Variants in ANKRD44 observed in about 807,000 individuals in gnomAD.
ANKRD44 encodes ankyrin repeat domain 44.
In ANKRD44, 35 loss-of-function variants were observed where a neutral mutation model predicts 116.0. The ratio of observed to expected loss-of-function variants is 0.30; its 90% CI spans 0.23 to 0.40. The LOEUF is 0.40. ANKRD44 is among the 10% of genes least tolerant of loss of function. The pLI is 1.00. For missense variants in ANKRD44, 1,014 were observed against 1,242.6 expected (o/e 0.82, Z 2.77); for synonymous variants, 435 against 461.8 (o/e 0.94, Z 0.74).
At chr2:197,305,581 GA>G (rs1462388318) in intron 1 of ANKRD44, among the ~76,000 whole-genome samples, 1 of 151,998 alleles carries the variant, frequency 6.6e-6, no homozygotes, top group African/African-American at 2.4e-5. Context: ...TACAGCAAAA[GA>G]GGAAGTAAAA....
intron 1 of ANKRD44, among the ~76,000 whole-genome samples, chr2:197,240,687 G>A (rs1487130988): frequency 1.3e-5 from 2 of 149,568 alleles, no homozygotes; most frequent in African/African-American, 2.5e-5. Context: ...CAGTCTTGAA[G>A]CAAGTTTTTT....
chr2:197,076,241 T>C (rs1198121370), intron 16 of ANKRD44, among the ~76,000 whole-genome samples: 1 of 152,164 alleles, frequency 6.6e-6, no homozygotes, highest in African/African-American at 2.4e-5. Flanking sequence ...CAGGGACAAT[T>C]TGTTAAAAGG....
At chr2:197,218,946 G>A (rs970746380) in intron 1 of ANKRD44, among the ~76,000 whole-genome samples, 1 of 151,378 alleles carries the variant, frequency 6.6e-6, no homozygotes, top group Admixed American at 6.6e-5. Context: ...TTTTAGTAGA[G>A]ACAGGGTTTC....
chr2:197,207,496 T>C lies in ANKRD44; in HGVS notation c.28-20390A>G, dbSNP rs559354606. Among the ~76,000 whole-genome samples the C allele has an allele frequency of 3.9e-5, 6 of 152,316 alleles. No individual in the cohort carries two copies. The South Asian group carries it at 1.0e-3, about 26-fold the overall frequency. ...CCCTCTGATTTTTATCATTCTGGCA[T>C]CTCAAAGGCCAGCAGAGAAAAACAT... is the stretch of plus-strand genomic sequence containing the variant. On this transcript the variant is annotated intron_variant, in intron 1 of 27. Transcript: ENST00000282272.
chr2:197,185,686 T>C (rs1055834928), intron 2 of ANKRD44, among the ~76,000 whole-genome samples: 3 of 152,254 alleles, frequency 2.0e-5, no homozygotes, highest in Admixed American at 6.5e-5. Flanking sequence ...ACCTTCCAGA[T>C]ACAGTGATTC....
At chr2:197,024,621 G>C (rs1212816580) in intron 17 of ANKRD44, among the ~76,000 whole-genome samples, 1 of 152,204 alleles carries the variant, frequency 6.6e-6, no homozygotes, top group Non-Finnish European at 1.5e-5. Flanking sequence ...CGTTACTGGT[G>C]ATAAAATAAC....
intron 18 of ANKRD44, among the ~76,000 whole-genome samples, 168 bp downstream of exon 18, chr2:197,013,343 C>T (rs2076332090): frequency 6.6e-6 from 1 of 152,152 alleles, no homozygotes; most frequent in East Asian, 1.9e-4. Flanking sequence ...CCAATCACCT[C>T]CAAGAGGATA....
intron 8 of ANKRD44, among the ~76,000 whole-genome samples, 198 bp downstream of exon 8, chr2:197,121,134 C>T (rs2078844333): frequency 6.6e-6 from 1 of 152,126 alleles, no homozygotes; most frequent in East Asian, 1.9e-4. Context: ...TCACCATCTT[C>T]GTCAGGCTGG....
At chr2:197,015,520 C>T (rs1251510096) in intron 17 of ANKRD44, 1 of 479,504 alleles carries the variant, frequency 2.1e-6, no homozygotes, top group Non-Finnish European at 3.9e-6. Flanking sequence ...TGCTGGATTG[C>T]AGAGAGGTCG....
At position 197,078,742 on chromosome 2, in the gene ANKRD44, A is replaced by T; in HGVS notation, c.1611T>A (p.His537Gln). ...IRDKEGYNSI[H>Q]YAAAYGHRQC... ...GCCTGTGCCCATAGGCGGCAGCATA[A>T]TGTATGCTATTGTAACCTTCCTTGT... Residue 537 changes from histidine (H) to glutamine (Q), a missense_variant, in exon 16 of 28, where the codon CAT becomes CAA. Physicochemically the swap from His to Gln is conservative, Grantham distance 24. Coordinates refer to ENST00000282272, the MANE Select transcript of ANKRD44 (RefSeq NM_001195144.2). 1 of 1,612,956 alleles carries T rather than the reference A, an allele frequency of 6.2e-7. No homozygotes were observed. Among genetic ancestry groups the T allele is most frequent in the South Asian group, 1.1e-5 (1 of 91,062 alleles).
At chr2:197,309,939 G>C (rs2084193991) in intron 1 of ANKRD44, among the ~76,000 whole-genome samples, 1 of 152,130 alleles carries the variant, frequency 6.6e-6, no homozygotes, top group East Asian at 1.9e-4. Context: ...GCAGACCGTA[G>C]CCCACCGCCT....
intron 1 of ANKRD44, among the ~76,000 whole-genome samples, chr2:197,226,894 T>A (rs920662173): frequency 6.6e-6 from 1 of 152,138 alleles, no homozygotes; most frequent in African/African-American, 2.4e-5. Context: ...CTTCTGAGAT[T>A]ACATCTCAGA....
chr2:197,223,918 C>A (rs2081641365), intron 1 of ANKRD44, among the ~76,000 whole-genome samples: 1 of 152,172 alleles, frequency 6.6e-6, no homozygotes, highest in Non-Finnish European at 1.5e-5. Context: ...AAGATATTTA[C>A]TGGATGTGAA....
intron 16 of ANKRD44, among the ~76,000 whole-genome samples, chr2:197,045,113 A>G (rs1244952516): frequency 1.4e-5 from 2 of 145,096 alleles, no homozygotes; most frequent in Non-Finnish European, 3.0e-5. Context: ...TTCCTTTTCT[A>G]TTTTGGTAAG....
At chr2:197,280,228 T>C (rs2083223991) in intron 1 of ANKRD44, among the ~76,000 whole-genome samples, 1 of 151,962 alleles carries the variant, frequency 6.6e-6, no homozygotes, top group African/African-American at 2.4e-5. Context: ...AGACAGGAAA[T>C]AGGCAACAGG....
At chr2:197,038,930 G>A (rs1574328440) in intron 16 of ANKRD44, among the ~76,000 whole-genome samples, 1 of 152,110 alleles carries the variant, frequency 6.6e-6, no homozygotes, top group Non-Finnish European at 1.5e-5. Context: ...AATTGCTGCA[G>A]AAGCCATTCC....
chr2:197,026,830 C>T (rs1190026532), intron 16 of ANKRD44, among the ~76,000 whole-genome samples: 1 of 151,910 alleles, frequency 6.6e-6, no homozygotes, highest in Non-Finnish European at 1.5e-5. Flanking sequence ...ATGAGAGAAA[C>T]AGTTGGATTG....
In ANKRD44 at chr2:197,195,905, A is replaced by T. The variant is rs558205907; in HGVS notation, c.28-8799T>A. 2.6e-4 allele frequency among the ~76,000 whole-genome samples: 40 copies of T among 152,352 alleles called. No homozygotes were observed. The South Asian group carries it at 8.3e-3, about 32-fold the overall frequency. On this transcript the variant is annotated intron_variant, in intron 1 of 27. Coordinates refer to ENST00000282272, the MANE Select transcript of ANKRD44 (RefSeq NM_001195144.2). ...GATTTTTTCACTCTGTCTAGTTTCA[A>T]ATGGCTTGAGATCAAACCTAAACTT...
intron 2 of ANKRD44, among the ~76,000 whole-genome samples, chr2:197,175,756 A>G (rs1026063566): frequency 6.6e-6 from 1 of 152,220 alleles, no homozygotes; most frequent in Non-Finnish European, 1.5e-5. Flanking sequence ...TTTTAAAAAT[A>G]TTTGGTGAAT....
Sources: gnomAD v4.1 joint callset for allele counts (sites outside exome capture counted in the v4.1 genomes callset) on GRCh38, gnomAD v4.1.1 for gene constraint, MANE v1.5 for transcripts, NCBI Gene and HGNC (gene_info 2026-07-23, HGNC 2026-07-21) for gene names.